TRPC4AP: variants seen among roughly 807,000 people sequenced by gnomAD.
TRPC4AP encodes transient receptor potential cation channel subfamily C member 4 associated protein.
A neutral mutation model predicts 99.0 loss-of-function variants in TRPC4AP; 45 were observed. The ratio of observed to expected loss-of-function variants is 0.45; its 90% CI spans 0.36 to 0.58. TRPC4AP has a LOEUF of 0.58. Among genes scored for constraint, TRPC4AP ranks in the 20% least tolerant of loss-of-function variants. The pLI, the probability that TRPC4AP is intolerant of heterozygous loss-of-function variation, is 0.00. For missense variants in TRPC4AP, 879 were observed against 985.3 expected (o/e 0.89, Z 1.44); for synonymous variants, 408 against 385.8 (o/e 1.06, Z -0.67).
intron 2 of TRPC4AP, among the ~76,000 whole-genome samples, chr20:35,070,702 CTA>C (rs2084287434): frequency 6.6e-6 from 1 of 152,164 alleles, no homozygotes; most frequent in South Asian, 2.1e-4. Flanking sequence ...CCGGCCAAAC[CTA>C]TGTTATTTCT....
intron 7 of TRPC4AP, among the ~76,000 whole-genome samples, chr20:35,038,501 A>C (rs1052298759): frequency 6.6e-6 from 1 of 152,186 alleles, no homozygotes; most frequent in Non-Finnish European, 1.5e-5. Context: ...ATATAATTCT[A>C]TATATACTAG....
intron 6 of TRPC4AP, among the ~76,000 whole-genome samples, chr20:35,047,601 T>C (rs2083589141): frequency 1.3e-5 from 2 of 152,160 alleles, no homozygotes; most frequent in African/African-American, 4.8e-5. Flanking sequence ...GGTGGAGAAG[T>C]TTTTGCTGGG....
chr20:35,006,686 G>A (rs1469425161), intron 14 of TRPC4AP, 111 bp from the exon 15 acceptor site: 3 of 1,380,478 alleles, frequency 2.2e-6, no homozygotes, highest in Non-Finnish European at 3.0e-6. Flanking sequence ...GGATGGAACT[G>A]GCAACACTGT....
chr20:35,016,120 T>G lies in TRPC4AP; in HGVS notation c.1238A>C (p.Glu413Ala). ...QRNQVHRMIA[E>A]FKLIPGLNNL... ...ATTAAGTCCAGGGATCAGCTTGAAC[T>G]CTGCAATCATTCTGTGAACCTGAAT... is the stretch of plus-strand genomic sequence containing the variant. Residue 413 changes from glutamate (E) to alanine (A), a missense_variant, in exon 10 of 19, where the codon GAG becomes GCG. Physicochemically the swap from Glu to Ala is moderately radical, Grantham distance 107. Around this residue, in one of 3 missense-constraint regions of TRPC4AP, gnomAD observed 603 missense variants for 631.8 expected, o/e 0.95. Coordinates refer to ENST00000252015, the MANE Select transcript of TRPC4AP (RefSeq NM_015638.3). 1 of 1,614,208 alleles carries G rather than the reference T, an allele frequency of 6.2e-7. No individual in the cohort carries two copies. Among genetic ancestry groups the G allele is most frequent in the Non-Finnish European group, 8.5e-7 (1 of 1,180,042 alleles).
At chr20:35,088,067 G>T (rs2084936221) in intron 1 of TRPC4AP, among the ~76,000 whole-genome samples, 1 of 152,214 alleles carries the variant, frequency 6.6e-6, no homozygotes, top group African/African-American at 2.4e-5. Context: ...AATGGAAACA[G>T]AAACTTAGGA....
chr20:35,067,760 C>A (rs1233776589), intron 3 of TRPC4AP, among the ~76,000 whole-genome samples: 3 of 152,066 alleles, frequency 2.0e-5, no homozygotes, highest in Non-Finnish European at 4.4e-5. Context: ...TCACAAAAGA[C>A]CACATATTAT....
chr20:35,086,519 GTATATA>G (rs1179723943), intron 1 of TRPC4AP, among the ~76,000 whole-genome samples: 3 of 33,472 alleles, frequency 9.0e-5, no homozygotes, highest in South Asian at 2.0e-3. Context: ...GTGTGTGTGT[GTATATA>G]TGTGTGTGTG....
In TRPC4AP at chr20:35,059,851, GAAGATGAAGAA is replaced by G. The variant is rs149168832; in HGVS notation, c.415-2291_415-2281del. Among the ~76,000 whole-genome samples the G allele has an allele frequency of 6.1e-3, 918 of 151,432 alleles. 8 individuals are homozygous for G. The highest frequency in any genetic ancestry group is 0.02 in the African/African-American group (803 of 41,124). Reference sequence around the variant, plus strand: ...AGATGAAGACAAAGAAGACGAAGATGAAGATGAAGAAAAGATGAAGAAAAGACGAAGACAAA... The same window carrying G: ...AGATGAAGACAAAGAAGACGAAGATGAAGATGAAGAAAAGACGAAGACAAA... On this transcript the variant is annotated intron_variant, in intron 3 of 18. Coordinates refer to ENST00000252015, the MANE Select transcript of TRPC4AP (RefSeq NM_015638.3).
intron 7 of TRPC4AP, 63 bp downstream of exon 7, chr20:35,044,442 T>C: frequency 1.5e-6 from 2 of 1,307,380 alleles, no homozygotes; most frequent in Non-Finnish European, 2.1e-6. Flanking sequence ...GAAAAAAAAC[T>C]AGATGATTTA....
chr20:35,010,927 T>C (rs2082621210), intron 11 of TRPC4AP, among the ~76,000 whole-genome samples: 2 of 152,198 alleles, frequency 1.3e-5, no homozygotes, highest in South Asian at 4.1e-4. Context: ...GGAGGTTATG[T>C]CCTGATAAAC....
intron 8 of TRPC4AP, among the ~76,000 whole-genome samples, chr20:35,022,452 A>C (rs1266015510): frequency 6.6e-6 from 1 of 152,188 alleles, no homozygotes. Flanking sequence ...CACGGTGCCC[A>C]GCGTAGATCC....
chr20:35,053,898 A>G (rs1424207903), intron 5 of TRPC4AP, among the ~76,000 whole-genome samples: 2 of 152,234 alleles, frequency 1.3e-5, no homozygotes, highest in African/African-American at 4.8e-5. Flanking sequence ...TTATATTTCA[A>G]TTGCACAGCA....
intron 4 of TRPC4AP, among the ~76,000 whole-genome samples, chr20:35,056,499 T>G (rs528150989): frequency 1.7e-5 from 1 of 60,500 alleles, no homozygotes; most frequent in African/African-American, 7.7e-5. Context: ...AAAATGAATA[T>G]AAATCCTCTT....
At chr20:35,021,938 T>C (rs1260845589) in intron 8 of TRPC4AP, among the ~76,000 whole-genome samples, 1 of 152,238 alleles carries the variant, frequency 6.6e-6, no homozygotes, top group Non-Finnish European at 1.5e-5. Flanking sequence ...GATTTTCATT[T>C]TACCCAATGT....
At chr20:35,034,433 G>A (rs540908583) in intron 8 of TRPC4AP, among the ~76,000 whole-genome samples, 23 of 152,132 alleles carry the variant, frequency 1.5e-4, no homozygotes, top group Admixed American at 1.2e-3. Context: ...CTTCCACACC[G>A]TGAGTACAGT....
intron 7 of TRPC4AP, 33 bp from the exon 8 acceptor site, chr20:35,035,341 A>C: frequency 6.2e-7 from 1 of 1,602,216 alleles, no homozygotes. Context: ...GGAAATTTTC[A>C]AAATAGAGAC....
rs548009921 is a variant in TRPC4AP at position 35,044,521 on chromosome 20, T to G, written c.849A>C (p.Ala283=). 11 of 1,614,096 alleles carry G rather than the reference T, an allele frequency of 6.8e-6. No individual in the cohort carries two copies. In the East Asian group the frequency reaches 2.5e-4, roughly 36 times the overall value. The part of the protein sequence containing the change: ...QKKSLSLGPS[A]AEINQAALLS... ...AGACTTTACCTTGATTGATTTCAGC[T>G]GCAGAAGGCCCCAAACTCAAGCTCT... The change falls in exon 7 of 19, where the codon GCA becomes GCC. Residue 283 remains alanine (A), a synonymous_variant. Coordinates refer to ENST00000252015, the MANE Select transcript of TRPC4AP (RefSeq NM_015638.3).
intron 7 of TRPC4AP, among the ~76,000 whole-genome samples, chr20:35,035,686 A>T (rs1730249382): frequency 6.6e-6 from 1 of 152,216 alleles, no homozygotes; most frequent in South Asian, 2.1e-4. Context: ...AACAGCAAAA[A>T]GGTGAAGGTA....
rs34279472 is a variant in TRPC4AP at position 35,014,434 on chromosome 20, G to A, written c.1351-1368C>T. On this transcript the variant is annotated intron_variant, in intron 10 of 18. Coordinates refer to ENST00000252015, the MANE Select transcript of TRPC4AP (RefSeq NM_015638.3). ...CTGGGTTCAAGCAATTCTGGTGGCC[G>A]CTCCACAGACATTACAAAACACGAG... Among the ~76,000 whole-genome samples the A allele has an allele frequency of 8.8e-3, 1,327 of 150,880 alleles. 7 individuals carry two copies. The highest frequency in any genetic ancestry group is 0.024 in the Middle Eastern group (7 of 292).
Sources: gnomAD v4.1 joint callset for allele counts (sites outside exome capture counted in the v4.1 genomes callset) on GRCh38, gnomAD v4.1.1 for gene constraint, gnomAD v4.1.1 regional missense constraint, MANE v1.5 for transcripts, NCBI Gene and HGNC (gene_info 2026-07-23, HGNC 2026-07-21) for gene names.